SPRED2: variants seen among roughly 807,000 people sequenced by gnomAD.
SPRED2 encodes the protein sprouty related EVH1 domain containing 2.
In SPRED2, 47 loss-of-function variants were observed where a neutral mutation model predicts 43.0. The observed-to-expected ratio is 1.09, with a 90% CI of 0.87 to 1.40. The LOEUF (loss-of-function observed/expected upper bound fraction) is 1.40. Among genes scored for constraint, SPRED2 ranks in the 40% most tolerant of loss-of-function variants. The pLI is 0.00. For synonymous variants in SPRED2, 225 were observed against 225.7 expected (o/e 1.00, Z 0.03); for missense variants, 561 against 586.4 (o/e 0.96, Z 0.45).
chr2:65,418,710 C>T (rs1402433439), intron 1 of SPRED2, among the ~76,000 whole-genome samples: 4 of 151,938 alleles, frequency 2.6e-5, no homozygotes, highest in South Asian at 2.1e-4. Flanking sequence ...CACGCCACCA[C>T]GCCCAGCTAA....
intron 1 of SPRED2, among the ~76,000 whole-genome samples, chr2:65,371,714 G>A (rs1675128528): frequency 6.6e-6 from 1 of 152,118 alleles, no homozygotes; most frequent in African/African-American, 2.4e-5. Flanking sequence ...CTTGGCCAGA[G>A]CCAGAAGACC....
At chr2:65,388,589 C>G (rs1675559185) in intron 1 of SPRED2, among the ~76,000 whole-genome samples, 2 of 152,110 alleles carry the variant, frequency 1.3e-5, no homozygotes, top group South Asian at 4.1e-4. Context: ...TTACCATGTG[C>G]TCTTAGGGGC....
At chr2:65,330,571 C>A (rs1673780049) in intron 4 of SPRED2, among the ~76,000 whole-genome samples, 1 of 152,170 alleles carries the variant, frequency 6.6e-6, no homozygotes, top group South Asian at 2.1e-4. Context: ...CCATTATCAA[C>A]ATCCCCACCA....
At chr2:65,388,754 G>A (rs1675564330) in intron 1 of SPRED2, among the ~76,000 whole-genome samples, 1 of 152,116 alleles carries the variant, frequency 6.6e-6, no homozygotes. Flanking sequence ...CACTACTGTT[G>A]TGTTCACGGA....
At chr2:65,358,506 T>G (rs554937017) in intron 1 of SPRED2, among the ~76,000 whole-genome samples, 1 of 152,308 alleles carries the variant, frequency 6.6e-6, no homozygotes, top group East Asian at 1.9e-4. Context: ...AGCCCCAATC[T>G]TTACTACATT....
At chr2:65,425,669 C>T (rs750161391) in intron 1 of SPRED2, among the ~76,000 whole-genome samples, 15 of 152,282 alleles carry the variant, frequency 9.9e-5, no homozygotes, top group Non-Finnish European at 1.6e-4. Flanking sequence ...TTTTGTTCCA[C>T]GGGGCACTGG....
chr2:65,326,222 C>G (rs982937166), intron 4 of SPRED2, among the ~76,000 whole-genome samples: 3 of 152,106 alleles, frequency 2.0e-5, no homozygotes, highest in Non-Finnish European at 4.4e-5. Flanking sequence ...CAACTCCCCC[C>G]ACCCCGTATA....
At chr2:65,349,838 G>A (rs1674458966) in intron 1 of SPRED2, among the ~76,000 whole-genome samples, 1 of 152,218 alleles carries the variant, frequency 6.6e-6, no homozygotes, top group South Asian at 2.1e-4. Context: ...CCAGGGTATA[G>A]ACTTCTCTGT....
Position 65,347,565 on chromosome 2 carries a change from A to T in SPRED2, c.27-2669T>A, listed in dbSNP as rs999791481. On this transcript the variant is annotated intron_variant, in intron 1 of 5. Transcript: ENST00000356388. Reference sequence around the variant, plus strand: ...TTCGCCTGTGCCCACCACCATGCCTACGCTTTGTACCAGCACTCTCTCCGC... The same window carrying T: ...TTCGCCTGTGCCCACCACCATGCCTTCGCTTTGTACCAGCACTCTCTCCGC... Among the ~76,000 whole-genome samples, 5 of 152,010 alleles carry T rather than the reference A, an allele frequency of 3.3e-5. No homozygotes were observed. The South Asian group carries it at 1.0e-3, about 32-fold the overall frequency.
At chr2:65,328,859 G>GA (rs1673724346) in intron 4 of SPRED2, among the ~76,000 whole-genome samples, 1 of 152,186 alleles carries the variant, frequency 6.6e-6, no homozygotes, top group African/African-American at 2.4e-5. Flanking sequence ...GTTTGCTGGG[G>GA]ATAGAGTAGG....
intron 3 of SPRED2, 119 bp downstream of exon 3, chr2:65,334,486 A>G: frequency 8.0e-7 from 1 of 1,248,784 alleles, no homozygotes; most frequent in Non-Finnish European, 1.1e-6. Context: ...GCATCTACTG[A>G]CCTGGTCCCA....
At chr2:65,422,971 T>C (rs60038735) in intron 1 of SPRED2, among the ~76,000 whole-genome samples, 3,376 of 152,210 alleles carry the variant, frequency 0.022, 135 homozygotes, top group African/African-American at 0.077. Flanking sequence ...AAGGGAGAAA[T>C]GTAATAACTA....
At chr2:65,324,709 A>T (rs1447691023) in intron 4 of SPRED2, among the ~76,000 whole-genome samples, 1 of 152,108 alleles carries the variant, frequency 6.6e-6, no homozygotes, top group Non-Finnish European at 1.5e-5. Flanking sequence ...AAGCTCAAGG[A>T]GGGAGGGAAG....
intron 4 of SPRED2, among the ~76,000 whole-genome samples, chr2:65,331,525 T>G (rs991156489): frequency 2.6e-5 from 4 of 152,216 alleles, no homozygotes; most frequent in South Asian, 2.1e-4. Flanking sequence ...GATGTTTAAT[T>G]ACTCATCAGG....
At position 65,312,722 on chromosome 2, in the gene SPRED2, T is replaced by C; in HGVS notation, c.*779A>G. On this transcript the variant is annotated 3_prime_UTR_variant, in exon 6 of 6. Coordinates refer to ENST00000356388, the MANE Select transcript of SPRED2 (RefSeq NM_181784.3). ...CCATTCTAGCCCTGGTCCAAGAGGA[T>C]GCAATGCAGTTGAAGGAATTTTCCT... 1 of 985,860 alleles carries C rather than the reference T, an allele frequency of 1.0e-6. No individual in the cohort carries two copies. The highest frequency in any genetic ancestry group is 1.2e-6 in the Non-Finnish European group (1 of 829,930). 61.1% of individuals were successfully genotyped at this position (985,860 alleles called of 1,614,324 possible). A position where few individuals can be genotyped will look rare whatever the true frequency, so the allele number is the denominator to read the frequency against.
rs758121276 is a variant in SPRED2 at position 65,313,848 on chromosome 2, C to G, written c.910G>C (p.Gly304Arg). 1.2e-6 allele frequency: 2 copies of G among 1,611,746 alleles called. No individual in the cohort carries two copies. The highest frequency in any genetic ancestry group is 1.7e-5 in the Admixed American group (1 of 60,018). The change falls in exon 6 of 6, where the codon GGA becomes CGA. Residue 304 changes from glycine to arginine, a missense_variant. Coordinates refer to ENST00000356388, the MANE Select transcript of SPRED2 (RefSeq NM_181784.3). ...RGKSRRRKED[G>R]ERSRCVYCRD... ...CAGTACACGCACCGCGAGCGCTCTCCGTCCTCCTTCCGCCGCCGCGACTTG... is the reference window on the plus strand; with the variant it reads ...CAGTACACGCACCGCGAGCGCTCTCGGTCCTCCTTCCGCCGCCGCGACTTG...
chr2:65,355,465 C>G (rs1330936246), intron 1 of SPRED2, among the ~76,000 whole-genome samples: 2 of 152,074 alleles, frequency 1.3e-5, no homozygotes, highest in Non-Finnish European at 2.9e-5. Flanking sequence ...GTTTGTAATC[C>G]TAGCACTTTG....
intron 4 of SPRED2, among the ~76,000 whole-genome samples, chr2:65,324,033 C>T (rs1204416973): frequency 2.6e-5 from 4 of 151,582 alleles, no homozygotes; most frequent in Non-Finnish European, 5.9e-5. Context: ...CACCAGGCCT[C>T]AGAGCACTGG....
chr2:65,330,171 T>C (rs1025543958), intron 4 of SPRED2, among the ~76,000 whole-genome samples: 1 of 152,242 alleles, frequency 6.6e-6, no homozygotes, highest in African/African-American at 2.4e-5. Context: ...CTGCAAACCA[T>C]CTTGTGATCT....
Sources: allele counts gnomAD v4.1 joint callset (sites outside exome capture counted in the v4.1 genomes callset), GRCh38; gene constraint gnomAD v4.1.1; transcripts MANE v1.5; gene names NCBI Gene and HGNC (gene_info 2026-07-23, HGNC 2026-07-21).